NFATC1: variants seen among roughly 807,000 people sequenced by gnomAD.
The protein encoded by NFATC1 is nuclear factor of activated T-cells, cytoplasmic 1.
NFATC1 carries 22 observed loss-of-function variants against 76.0 expected under a neutral mutation model. The ratio of observed to expected loss-of-function variants is 0.29; its 90% CI spans 0.21 to 0.41. The LOEUF (loss-of-function observed/expected upper bound fraction) is 0.41. NFATC1 is among the 10% of genes least tolerant of loss of function. The probability of loss-of-function intolerance (pLI) is 1.00; values close to 1 mark genes in which losing one functional copy is unlikely to be tolerated. For synonymous variants in NFATC1, 704 were observed against 613.1 expected (o/e 1.15, Z -2.19); for missense variants, 1,357 against 1,337.7 (o/e 1.01, Z -0.23).
chr18:79,410,214 TG>T lies in NFATC1; in HGVS notation c.128-186del. On this transcript the variant is annotated intron_variant, in intron 1 of 9. Transcript: ENST00000427363. The surrounding 1 kb of genome is among the most constrained non-coding windows in gnomAD (Gnocchi z 6.7). Reference sequence around the variant, plus strand: ...GCTCACGGGAGCCTTGTTGGCCAGGTGGGACTGGGGCTGTCACTCCAAGTCG... The same window carrying T: ...GCTCACGGGAGCCTTGTTGGCCAGGTGGACTGGGGCTGTCACTCCAAGTCG... 2 of 906,098 alleles carry T rather than the reference TG, an allele frequency of 2.2e-6. No homozygotes were observed. Among genetic ancestry groups the T allele is most frequent in the Non-Finnish European group, 3.5e-6 (2 of 571,334 alleles). The allele number at this position is 906,098 out of a possible 1,614,324, so 56.1% of individuals were successfully genotyped here. A position where few individuals can be genotyped will look rare whatever the true frequency, so the allele number is the denominator to read the frequency against.
chr18:79,456,771 C>T (rs1246246883), intron 6 of NFATC1, among the ~76,000 whole-genome samples: 2 of 152,068 alleles, frequency 1.3e-5, no homozygotes, highest in South Asian at 2.1e-4. Context: ...GGATGTAGGC[C>T]GAGGGAGATG....
intron 6 of NFATC1, among the ~76,000 whole-genome samples, chr18:79,459,933 T>C (rs936969080): frequency 6.6e-6 from 1 of 152,190 alleles, no homozygotes; most frequent in African/African-American, 2.4e-5. Context: ...TCTTCCCAGC[T>C]CCTGAGCTTT....
chr18:79,522,748 T>G (rs917968500), intron 9 of NFATC1, among the ~76,000 whole-genome samples: 1 of 152,070 alleles, frequency 6.6e-6, no homozygotes, highest in Non-Finnish European at 1.5e-5. Flanking sequence ...GACGGACTCC[T>G]GGGGCCAGGA....
At chr18:79,483,746 C>G (rs1329902696) in intron 8 of NFATC1, among the ~76,000 whole-genome samples, 2 of 133,094 alleles carry the variant, frequency 1.5e-5, no homozygotes, top group Admixed American at 7.5e-5. Flanking sequence ...TGGGGTGTCA[C>G]TCCAGCGTGA....
intron 9 of NFATC1, among the ~76,000 whole-genome samples, chr18:79,519,371 C>T (rs1480619773): frequency 6.6e-6 from 1 of 152,070 alleles, no homozygotes; most frequent in African/African-American, 2.4e-5. Flanking sequence ...CTTGCTCTGT[C>T]ACCCAGGCTG....
intron 8 of NFATC1, among the ~76,000 whole-genome samples, chr18:79,481,356 C>T (rs1285968668): frequency 6.6e-6 from 1 of 152,254 alleles, no homozygotes; most frequent in East Asian, 1.9e-4. Flanking sequence ...CCACCCTCCA[C>T]GGACACCGCC....
chr18:79,450,662 G>GTGGAAAC (rs1555909195), intron 4 of NFATC1, among the ~76,000 whole-genome samples: 1 of 152,148 alleles, frequency 6.6e-6, no homozygotes, highest in Non-Finnish European at 1.5e-5. Flanking sequence ...GGGGTGGAGG[G>GTGGAAAC]TGGAGGCTGG....
chr18:79,473,378 A>G (rs2088864616), intron 8 of NFATC1, among the ~76,000 whole-genome samples: 1 of 152,258 alleles, frequency 6.6e-6, no homozygotes, highest in East Asian at 1.9e-4. Context: ...TCTCACGCTT[A>G]CTGTCAACGT....
intron 1 of NFATC1, among the ~76,000 whole-genome samples, chr18:79,397,823 T>G (rs1329167255): frequency 6.6e-6 from 1 of 152,164 alleles, no homozygotes; most frequent in Non-Finnish European, 1.5e-5. Context: ...GACGGGGCAG[T>G]GGCTAGTTTT....
Position 79,529,308 on chromosome 18 carries a change from G to T in NFATC1, c.*1731G>T, listed in dbSNP as rs924803711. 2 of 152,234 alleles carry T rather than the reference G, an allele frequency of 1.3e-5. No homozygotes were observed. Among genetic ancestry groups the T allele is most frequent in the African/African-American group, 4.8e-5 (2 of 41,452 alleles). 9.4% of individuals were successfully genotyped at this position (152,234 alleles called of 1,614,324 possible). A position where few individuals can be genotyped will look rare whatever the true frequency, so the allele number is the denominator to read the frequency against. On this transcript the variant is annotated 3_prime_UTR_variant, in exon 10 of 10. Coordinates refer to ENST00000427363, the MANE Select transcript of NFATC1 (RefSeq NM_001278669.2). ...GTTAGGAAATAGATCCAATAAAGCC[G>T]TATTTTTTTGCTGGACAGGCGTAGT...
chr18:79,443,152 A>G (rs1326790433), intron 3 of NFATC1, among the ~76,000 whole-genome samples: 3 of 152,194 alleles, frequency 2.0e-5, no homozygotes, highest in Non-Finnish European at 4.4e-5. Flanking sequence ...ATTCAGTTTT[A>G]TCTGTGGATC....
chr18:79,397,206 G>C (rs2085037063), intron 1 of NFATC1, among the ~76,000 whole-genome samples: 1 of 152,248 alleles, frequency 6.6e-6, no homozygotes, highest in Non-Finnish European at 1.5e-5. Flanking sequence ...TACCCTTGCA[G>C]AGGTGTGAGC....
At chr18:79,399,991 A>C (rs1209972897) in intron 1 of NFATC1, among the ~76,000 whole-genome samples, 2 of 151,826 alleles carry the variant, frequency 1.3e-5, no homozygotes, top group African/African-American at 2.4e-5. Flanking sequence ...TTAAAAAAAA[A>C]ATTCCGTCGC....
chr18:79,433,625 C>T lies in NFATC1; in HGVS notation c.1273C>T (p.Pro425Ser), dbSNP rs147023412. The T allele has an allele frequency of 4.0e-5, 64 of 1,613,160 alleles. No homozygotes were observed. In the African/African-American group the frequency reaches 7.5e-4, roughly 19 times the overall value. The change falls in exon 3 of 10, where the codon CCG becomes TCG. Residue 425 changes from proline (P) to serine (S), a missense_variant. Pro to Ser is a moderately conservative substitution (Grantham distance 74). Around this residue, in one of 3 missense-constraint regions of NFATC1, gnomAD observed 691 missense variants for 613.1 expected, o/e 1.13. Coordinates refer to ENST00000427363, the MANE Select transcript of NFATC1 (RefSeq NM_001278669.2). ...LDWQLPSHSG[P>S]YELRIEVQPK... is the part of the protein sequence containing the mutation. The stretch of plus-strand genomic sequence containing the variant: ...CTGGCAGCTGCCGTCCCACTCAGGC[C>T]CGTATGAGCTTCGGATTGAGGTGCA...
intron 2 of NFATC1, among the ~76,000 whole-genome samples, chr18:79,425,206 C>CCTGTCT (rs113806683): frequency 0.017 from 1,494 of 88,108 alleles, 70 homozygotes; most frequent in African/African-American, 0.1. Flanking sequence ...TGTTTCTCTC[C>CCTGTCT]CTGTCTCTGT....
At chr18:79,455,651 C>T (rs891700821) in intron 6 of NFATC1, among the ~76,000 whole-genome samples, 2 of 152,168 alleles carry the variant, frequency 1.3e-5, no homozygotes, top group African/African-American at 2.4e-5. Context: ...CCGGAGGCCC[C>T]CAGCCCAGCA....
At chr18:79,436,147 CGTGCCCTCG>C (rs1463327879) in intron 3 of NFATC1, among the ~76,000 whole-genome samples, 3 of 152,238 alleles carry the variant, frequency 2.0e-5, no homozygotes, top group Non-Finnish European at 2.9e-5. Context: ...TAACCGCAGA[CGTGCCCTCG>C]GTGCCGTCGG....
chr18:79,449,708 C>T (rs571976332), intron 4 of NFATC1, among the ~76,000 whole-genome samples: 1 of 152,158 alleles, frequency 6.6e-6, no homozygotes, highest in African/African-American at 2.4e-5. Flanking sequence ...GAGGGTGACC[C>T]GCAGGCTGGG....
At chr18:79,509,123 C>G (rs1254420296) in intron 9 of NFATC1, among the ~76,000 whole-genome samples, 3 of 152,242 alleles carry the variant, frequency 2.0e-5, no homozygotes, top group Admixed American at 1.3e-4. Flanking sequence ...AGTGTTGCAG[C>G]CTCCGCAGAG....
Sources: allele counts gnomAD v4.1 joint callset (sites outside exome capture counted in the v4.1 genomes callset), GRCh38; gene constraint gnomAD v4.1.1; regional missense constraint gnomAD v4.1.1; non-coding constraint Gnocchi (gnomAD v3.1); transcripts MANE v1.5; gene names NCBI Gene and HGNC (gene_info 2026-07-23, HGNC 2026-07-21).